The following SDK1 variants were observed in gnomAD, a reference collection of about 807,000 sequenced individuals.
SDK1 encodes the protein sidekick cell adhesion molecule 1.
SDK1 carries 157 observed loss-of-function variants against 245.5 expected under a neutral mutation model. The observed-to-expected ratio is 0.64, with a 90% CI of 0.56 to 0.73. The LOEUF (loss-of-function observed/expected upper bound fraction) is 0.73. Ranked by LOEUF, SDK1 falls within the 30% of genes least tolerant of loss-of-function variation. SDK1 has a pLI of 0.00. For missense variants in SDK1, 3,583 were observed against 3,002.3 expected (o/e 1.19, Z -4.52); for synonymous variants, 1,647 against 1,278.5 (o/e 1.29, Z -6.15).
At chr7:3,910,409 T>C (rs1779123460) in intron 5 of SDK1, among the ~76,000 whole-genome samples, 2 of 152,096 alleles carry the variant, frequency 1.3e-5, no homozygotes, top group South Asian at 4.1e-4. Context: ...AGCTGCATAG[T>C]GCGGAATATT....
chr7:3,321,824 CCTTCCTCCTTT>C (rs2128547571), intron 1 of SDK1, among the ~76,000 whole-genome samples: 5 of 128,286 alleles, frequency 3.9e-5, no homozygotes, highest in Admixed American at 8.0e-5. Flanking sequence ...TTCCTTCCTT[CCTTCCTCCTTT>C]TCTCTCTCTC....
At chr7:3,504,625 A>G (rs1441560865) in intron 1 of SDK1, among the ~76,000 whole-genome samples, 1 of 152,208 alleles carries the variant, frequency 6.6e-6, no homozygotes, top group Non-Finnish European at 1.5e-5. Context: ...AAGAATGTTT[A>G]GATCCCTACC....
rs545164711 is a variant in SDK1, at chr7:3,782,558, G to A, written c.714-38892G>A. ...AAAATCAAAGACAAAAATTCCGAGA[G>A]CAGCAAGAGATAAGAAACACTTCGT... On this transcript the variant is annotated intron_variant, in intron 4 of 44. Transcript: ENST00000404826. Among the ~76,000 whole-genome samples the A allele has an allele frequency of 5.9e-5, 9 of 152,232 alleles. No individual in the cohort carries two copies. The South Asian group carries it at 1.9e-3, about 32-fold the overall frequency.
chr7:3,640,764 A>G (rs57546275), intron 3 of SDK1, among the ~76,000 whole-genome samples: 1 of 151,842 alleles, frequency 6.6e-6, no homozygotes, highest in African/African-American at 2.4e-5. Flanking sequence ...ACTCACCGCA[A>G]CCTCCGCCTC....
intron 1 of SDK1, among the ~76,000 whole-genome samples, chr7:3,392,899 A>G (rs986378829): frequency 1.4e-5 from 2 of 144,686 alleles, no homozygotes; most frequent in South Asian, 2.2e-4. Context: ...CCTTTTGGCT[A>G]TTGCAAATAT....
chr7:3,602,096 G>A (rs1484065956), intron 1 of SDK1, among the ~76,000 whole-genome samples: 1 of 151,926 alleles, frequency 6.6e-6, no homozygotes, highest in Non-Finnish European at 1.5e-5. Context: ...ATTTAGGTTG[G>A]TTCCAAGTCT....
At chr7:4,001,292 T>C (rs979152143) in intron 14 of SDK1, among the ~76,000 whole-genome samples, 2 of 152,192 alleles carry the variant, frequency 1.3e-5, no homozygotes, top group Non-Finnish European at 2.9e-5. Flanking sequence ...CCACCCAAGA[T>C]CGAGTTCCCC....
intron 17 of SDK1, among the ~76,000 whole-genome samples, chr7:4,018,643 G>A (rs936462851): frequency 6.6e-6 from 1 of 152,186 alleles, no homozygotes; most frequent in African/African-American, 2.4e-5. Context: ...ACTATTAACT[G>A]TGACTGTTTC....
chr7:4,175,814 C>G lies in SDK1; in HGVS notation c.4976C>G (p.Ser1659Trp). 1 of 1,613,762 alleles carries G rather than the reference C, an allele frequency of 6.2e-7. No homozygotes were observed. Residue 1659 changes from serine to tryptophan, a missense_variant, in exon 34 of 45, where the codon TCG becomes TGG. Physicochemically the swap from Ser to Trp is radical, Grantham distance 177 (BLOSUM62 -3). Coordinates refer to ENST00000404826, the MANE Select transcript of SDK1 (RefSeq NM_152744.4). Reference protein sequence around the residue: ...SFKTVNSSSTSTMCELTHLKK... With the variant: ...SFKTVNSSSTWTMCELTHLKK... ...AAGACGGTGAACAGCAGCTCCACATCGACGATGTGTGAACTAACACGTAAG... is the reference window on the plus strand; with the variant it reads ...AAGACGGTGAACAGCAGCTCCACATGGACGATGTGTGAACTAACACGTAAG...
chr7:3,401,286 A>G (rs563259651), intron 1 of SDK1, among the ~76,000 whole-genome samples: 1 of 152,308 alleles, frequency 6.6e-6, no homozygotes, highest in African/African-American at 2.4e-5. Context: ...TGAGCATAAT[A>G]TCATGGAGGC....
chr7:3,369,846 C>T (rs532295108), intron 1 of SDK1, among the ~76,000 whole-genome samples: 2 of 152,226 alleles, frequency 1.3e-5, no homozygotes, highest in Admixed American at 1.3e-4. Context: ...GCATTTATGG[C>T]GTGCAGTGTT....
chr7:3,327,995 G>A (rs1015421770), intron 1 of SDK1, among the ~76,000 whole-genome samples: 1 of 152,068 alleles, frequency 6.6e-6, no homozygotes, highest in African/African-American at 2.4e-5. Context: ...TGCTTTTCCT[G>A]TTTGTCCCTC....
chr7:4,160,558 A>G (rs1486845281), intron 31 of SDK1, among the ~76,000 whole-genome samples: 2 of 152,016 alleles, frequency 1.3e-5, no homozygotes, highest in Admixed American at 1.3e-4. Flanking sequence ...ACAGGCACAG[A>G]CTCTCTCCAG....
chr7:3,983,131 CA>C (rs1783547883), intron 13 of SDK1, among the ~76,000 whole-genome samples: 1 of 152,126 alleles, frequency 6.6e-6, no homozygotes, highest in African/African-American at 2.4e-5. Flanking sequence ...CTACTTTTGG[CA>C]AAGATACCGT....
At chr7:4,049,540 C>T (rs1016821179) in intron 18 of SDK1, 77 bp downstream of exon 18, 4 of 1,087,742 alleles carry the variant, frequency 3.7e-6, no homozygotes, top group African/African-American at 3.1e-5. Context: ...GGAGGCACCC[C>T]CTCTTGTGTA....
At chr7:3,349,052 C>A (rs1004242998) in intron 1 of SDK1, among the ~76,000 whole-genome samples, 2 of 151,962 alleles carry the variant, frequency 1.3e-5, no homozygotes, top group Non-Finnish European at 2.9e-5. Context: ...TCCTTTTTAC[C>A]CCTTTGGCTG....
chr7:3,626,137 G>C (rs1443524386), intron 2 of SDK1, among the ~76,000 whole-genome samples: 1 of 151,358 alleles, frequency 6.6e-6, no homozygotes, highest in Non-Finnish European at 1.5e-5. Context: ...ACAGGGTCTT[G>C]CTATGTTGCC....
intron 5 of SDK1, among the ~76,000 whole-genome samples, chr7:3,846,740 GCA>G (rs1489812416): frequency 6.6e-6 from 1 of 152,142 alleles, no homozygotes; most frequent in Non-Finnish European, 1.5e-5. Context: ...AACCCTGTGA[GCA>G]CACTCAGCAC....
intron 2 of SDK1, among the ~76,000 whole-genome samples, chr7:3,636,566 C>T (rs1242119488): frequency 6.6e-6 from 1 of 152,180 alleles, no homozygotes; most frequent in Non-Finnish European, 1.5e-5. Context: ...GAATAATATT[C>T]CATCGTGTGT....
Sources: gnomAD v4.1 joint callset for allele counts (sites outside exome capture counted in the v4.1 genomes callset) on GRCh38, gnomAD v4.1.1 for gene constraint, MANE v1.5 for transcripts, NCBI Gene and HGNC (gene_info 2026-07-23, HGNC 2026-07-21) for gene names.